Variants in RPS6KA2 observed in about 807,000 individuals in gnomAD.
RPS6KA2 encodes ribosomal protein S6 kinase A2.
Under a neutral mutation model 91.8 loss-of-function variants are expected in RPS6KA2, and 42 were observed. That is an observed-to-expected ratio of 0.46 (90% CI 0.36 to 0.59). The LOEUF (loss-of-function observed/expected upper bound fraction) is 0.59. Ranked by LOEUF, RPS6KA2 falls within the 20% of genes least tolerant of loss-of-function variation. The pLI, the probability that RPS6KA2 is intolerant of heterozygous loss-of-function variation, is 0.00. For synonymous variants in RPS6KA2, 414 were observed against 393.6 expected (o/e 1.05, Z -0.61); for missense variants, 798 against 978.5 (o/e 0.82, Z 2.46).
intron 2 of RPS6KA2, among the ~76,000 whole-genome samples, chr6:166,646,107 C>T (rs1472691189): frequency 1.3e-5 from 2 of 152,190 alleles, no homozygotes; most frequent in Non-Finnish European, 2.9e-5. Flanking sequence ...GGGAAATTTG[C>T]CATGGTCCCT....
At chr6:166,702,203 G>T in intron 2 of RPS6KA2, 1 of 1,607,770 alleles carries the variant, frequency 6.2e-7, no homozygotes, top group Non-Finnish European at 8.5e-7. Context: ...TCCTATAATG[G>T]CTCCAACAAA....
chr6:166,443,369 A>G (rs1362422336), intron 14 of RPS6KA2, among the ~76,000 whole-genome samples: 1 of 152,136 alleles, frequency 6.6e-6, no homozygotes, highest in Non-Finnish European at 1.5e-5. Context: ...TCTTGGGAGC[A>G]CTCACAGCGT....
chr6:166,703,166 T>C (rs1789577882), intron 2 of RPS6KA2, among the ~76,000 whole-genome samples: 1 of 152,256 alleles, frequency 6.6e-6, no homozygotes, highest in Non-Finnish European at 1.5e-5. Flanking sequence ...GGCAGTCGTG[T>C]TTATCACCTA....
At chr6:166,556,010 G>C (rs1305331778) in intron 1 of RPS6KA2, among the ~76,000 whole-genome samples, 1 of 152,186 alleles carries the variant, frequency 6.6e-6, no homozygotes, top group East Asian at 1.9e-4. Context: ...GGACTGGAGT[G>C]AAAGGGCCAC....
intron 16 of RPS6KA2, among the ~76,000 whole-genome samples, chr6:166,425,828 C>G (rs1778896045): frequency 6.6e-6 from 1 of 152,194 alleles, no homozygotes; most frequent in South Asian, 2.1e-4. Context: ...TACAAAGAGA[C>G]TTAGACTCCC....
intron 8 of RPS6KA2, among the ~76,000 whole-genome samples, chr6:166,492,482 G>A (rs1781625989): frequency 6.6e-6 from 1 of 152,110 alleles, no homozygotes; most frequent in Non-Finnish European, 1.5e-5. Context: ...TTAGCAAAGG[G>A]AACTCCTTTC....
chr6:166,456,340 A>C (rs1583159467), intron 12 of RPS6KA2, among the ~76,000 whole-genome samples: 1 of 152,350 alleles, frequency 6.6e-6, no homozygotes. Context: ...TAATCACCTG[A>C]GGGATGCCGA....
chr6:166,785,869 A>G (rs1251617177), intron 2 of RPS6KA2, among the ~76,000 whole-genome samples: 1 of 152,212 alleles, frequency 6.6e-6, no homozygotes, highest in Non-Finnish European at 1.5e-5. Context: ...TGCCAAAAAG[A>G]TTTTTTACCT....
chr6:166,543,670 G>T (rs1324383197), intron 1 of RPS6KA2, among the ~76,000 whole-genome samples: 1 of 152,124 alleles, frequency 6.6e-6, no homozygotes, highest in African/African-American at 2.4e-5. Flanking sequence ...TCTCCATGTA[G>T]TTACCCCCTT....
chr6:166,565,806 G>A (rs1784482950), intron 1 of RPS6KA2, among the ~76,000 whole-genome samples: 1 of 152,182 alleles, frequency 6.6e-6, no homozygotes, highest in Admixed American at 6.5e-5. Context: ...CAGTGTGACC[G>A]AGCTATCAGC....
chr6:166,628,309 C>G (rs1457345955), upstream of RPS6KA2, among the ~76,000 whole-genome samples: 2 of 152,110 alleles, frequency 1.3e-5, no homozygotes, highest in Non-Finnish European at 2.9e-5. Context: ...CTCTTGTGCA[C>G]GTGTTGAGTT....
At chr6:166,752,948 T>C (rs2128599676) in intron 2 of RPS6KA2, among the ~76,000 whole-genome samples, 1 of 152,360 alleles carries the variant, frequency 6.6e-6, no homozygotes, top group South Asian at 2.1e-4. Context: ...CTGGATTTAT[T>C]TGCTGTGAAA....
chr6:166,609,256 C>T (rs1225440027), intron 1 of RPS6KA2, among the ~76,000 whole-genome samples: 1 of 152,112 alleles, frequency 6.6e-6, no homozygotes, highest in African/African-American at 2.4e-5. Flanking sequence ...TAAAAAGTGG[C>T]TCTTTCTGCA....
At chr6:166,488,736 T>G (rs1781493754) in intron 10 of RPS6KA2, 97 bp downstream of exon 10, 3 of 885,738 alleles carry the variant, frequency 3.4e-6, no homozygotes, top group South Asian at 1.4e-5. Context: ...TGGTTGGCAT[T>G]GGGCCGGAGC....
intron 3 of RPS6KA2, among the ~76,000 whole-genome samples, chr6:166,512,952 T>C (rs1254134928): frequency 6.6e-6 from 1 of 152,166 alleles, no homozygotes; most frequent in Non-Finnish European, 1.5e-5. Flanking sequence ...CCCCAGACCC[T>C]TGTCATCACC....
At chr6:166,797,552 G>A (rs1779257558) in intron 2 of RPS6KA2, among the ~76,000 whole-genome samples, 1 of 152,180 alleles carries the variant, frequency 6.6e-6, no homozygotes, top group East Asian at 1.9e-4. Context: ...AAAAGAAAAT[G>A]ATATTAAGAA....
Position 166,510,503 on chromosome 6 carries a change from A to C in RPS6KA2, c.299-146T>G, listed in dbSNP as rs77474064. 1,390 of 391,858 alleles carry C rather than the reference A, an allele frequency of 3.5e-3. 23 individuals carry two copies. Among genetic ancestry groups the C allele is most frequent in the African/African-American group, 0.03 (1,274 of 42,120 alleles). The allele number at this position is 391,858 out of a possible 1,614,324, so 24.3% of individuals were successfully genotyped here. On this transcript the variant is annotated intron_variant, in intron 3 of 20. Coordinates refer to ENST00000265678, the MANE Select transcript of RPS6KA2 (RefSeq NM_021135.6). ...CAAAACTTGAAAAAGTTGTACAATA[A>C]TCCTAGATTTAACAACTGCTTACGT...
In RPS6KA2 at chr6:166,423,546, G is replaced by A; in HGVS notation, c.1582-129C>T. 1 of 817,918 alleles carries A rather than the reference G, an allele frequency of 1.2e-6. No homozygotes were observed. The highest frequency in any genetic ancestry group is 2.8e-5 in the East Asian group (1 of 36,246). The allele number at this position is 817,918 out of a possible 1,614,324, so 50.7% of individuals were successfully genotyped here. A position where few individuals can be genotyped will look rare whatever the true frequency, so the allele number is the denominator to read the frequency against. ...TAGCAGGTCCTGCAAGCAGGCAACA[G>A]GCCAACAGTGTCAACAGCTGCTGTC... On this transcript the variant is annotated intron_variant, in intron 16 of 20. Coordinates refer to ENST00000265678, the MANE Select transcript of RPS6KA2 (RefSeq NM_021135.6). The surrounding 1 kb of genome is among the most constrained non-coding windows in gnomAD (Gnocchi z 4.8).
At chr6:166,753,957 C>T (rs1382310055) in intron 2 of RPS6KA2, among the ~76,000 whole-genome samples, 1 of 152,146 alleles carries the variant, frequency 6.6e-6, no homozygotes, top group African/African-American at 2.4e-5. Flanking sequence ...CTGGAAAGTG[C>T]CTTTGGCCAT....
Sources: gnomAD v4.1 joint callset for allele counts (sites outside exome capture counted in the v4.1 genomes callset) on GRCh38, gnomAD v4.1.1 for gene constraint, Gnocchi (gnomAD v3.1) non-coding constraint, MANE v1.5 for transcripts, NCBI Gene and HGNC (gene_info 2026-07-23, HGNC 2026-07-21) for gene names.